The following FBXL7 variants were observed in gnomAD, a reference collection of about 807,000 sequenced individuals.
The protein encoded by FBXL7 is F-box/LRR-repeat protein 7.
In FBXL7, 12 loss-of-function variants were observed where a neutral mutation model predicts 38.3. The ratio of observed to expected loss-of-function variants is 0.31; its 90% CI spans 0.20 to 0.51. The LOEUF is 0.51. Among genes scored for constraint, FBXL7 ranks in the 20% least tolerant of loss-of-function variants. The pLI, the probability that FBXL7 is intolerant of heterozygous loss-of-function variation, is 0.98. For missense variants in FBXL7, 567 were observed against 676.4 expected (o/e 0.84, Z 1.79); for synonymous variants, 297 against 300.9 (o/e 0.99, Z 0.13).
chr5:15,649,630 T>G (rs971232892), intron 2 of FBXL7, among the ~76,000 whole-genome samples: 2 of 152,164 alleles, frequency 1.3e-5, no homozygotes, highest in African/African-American at 2.4e-5. Context: ...TCATAGCTGA[T>G]GAAAGCAGCA....
chr5:15,605,560 A>G (rs926607534), intron 1 of FBXL7, among the ~76,000 whole-genome samples: 1 of 152,204 alleles, frequency 6.6e-6, no homozygotes, highest in Admixed American at 6.5e-5. Context: ...AAAGCAGATT[A>G]GATGTTACTA....
At chr5:15,779,694 G>C (rs1736943944) in intron 2 of FBXL7, among the ~76,000 whole-genome samples, 1 of 152,066 alleles carries the variant, frequency 6.6e-6, no homozygotes, top group Admixed American at 6.6e-5. Flanking sequence ...AAATAATTTT[G>C]AGCATATTTT....
At chr5:15,685,146 C>A (rs1427918958) in intron 2 of FBXL7, among the ~76,000 whole-genome samples, 1 of 152,032 alleles carries the variant, frequency 6.6e-6, no homozygotes, top group Non-Finnish European at 1.5e-5. Context: ...ACAGAATTGC[C>A]TTTTTCTTGA....
At chr5:15,679,449 G>A (rs779629662) in intron 2 of FBXL7, among the ~76,000 whole-genome samples, 2 of 151,466 alleles carry the variant, frequency 1.3e-5, no homozygotes, top group African/African-American at 2.4e-5. Context: ...TTCTCAGTTT[G>A]TTTATTGACT....
intron 2 of FBXL7, among the ~76,000 whole-genome samples, chr5:15,848,569 A>G (rs1172883267): frequency 1.3e-5 from 2 of 152,104 alleles, no homozygotes; most frequent in East Asian, 3.9e-4. Flanking sequence ...TTTAGTAGAG[A>G]TGGGGTTTCA....
chr5:15,816,674 T>A (rs1738023768), intron 2 of FBXL7, among the ~76,000 whole-genome samples: 1 of 152,176 alleles, frequency 6.6e-6, no homozygotes, highest in Non-Finnish European at 1.5e-5. Context: ...AAATAAATAA[T>A]TAAAATATCT....
chr5:15,508,503 A>G (rs987603110), intron 1 of FBXL7, among the ~76,000 whole-genome samples: 3 of 152,224 alleles, frequency 2.0e-5, no homozygotes, highest in African/African-American at 7.2e-5. Flanking sequence ...TAGCTGGGCT[A>G]CCTAAGGAAA....
intron 2 of FBXL7, among the ~76,000 whole-genome samples, chr5:15,670,994 C>T (rs1461860658): frequency 1.3e-5 from 2 of 152,048 alleles, no homozygotes; most frequent in African/African-American, 2.4e-5. Flanking sequence ...TTTGCCTTCT[C>T]CTTTAATTAT....
intron 1 of FBXL7, chr5:15,501,349 G>A (rs1440286108): frequency 1.1e-6 from 1 of 890,748 alleles, no homozygotes; most frequent in African/African-American, 1.8e-5. Flanking sequence ...TTGGAAGTTA[G>A]GGAAACTTTA....
chr5:15,848,522 C>G (rs985402067), intron 2 of FBXL7, among the ~76,000 whole-genome samples: 1 of 152,080 alleles, frequency 6.6e-6, no homozygotes. Context: ...GCTGGGATTA[C>G]CAGCACCTGC....
intron 2 of FBXL7, among the ~76,000 whole-genome samples, chr5:15,818,971 G>A (rs1561138760): frequency 6.6e-6 from 1 of 152,062 alleles, no homozygotes; most frequent in East Asian, 1.9e-4. Flanking sequence ...ATCCTCTAGT[G>A]TTGTTTATCG....
intron 2 of FBXL7, among the ~76,000 whole-genome samples, chr5:15,728,257 G>C (rs1357321867): frequency 6.6e-6 from 1 of 151,876 alleles, no homozygotes; most frequent in African/African-American, 2.4e-5. Flanking sequence ...CTCTGAATGG[G>C]CCATACTTTC....
At chr5:15,532,979 C>T (rs762038784) in intron 1 of FBXL7, among the ~76,000 whole-genome samples, 1 of 152,140 alleles carries the variant, frequency 6.6e-6, no homozygotes, top group Non-Finnish European at 1.5e-5. Flanking sequence ...GAGTTGCCAG[C>T]TACTGAGAGA....
In FBXL7 at chr5:15,757,982, C is replaced by T. The variant is rs541080260; in HGVS notation, c.127+141910C>T. On this transcript the variant is annotated intron_variant, in intron 2 of 3. Transcript: ENST00000504595. ...TTCCTCTGTTCTCCTGTTACATTCT[C>T]TTTGTCTTGGCACGCGTTCACGGTG... is the stretch of plus-strand genomic sequence containing the variant. Among the ~76,000 whole-genome samples the T allele has an allele frequency of 1.7e-4, 26 of 152,150 alleles. 1 individual carries two copies. In the South Asian group the frequency reaches 4.8e-3, roughly 28 times the overall value.
intron 1 of FBXL7, among the ~76,000 whole-genome samples, chr5:15,537,039 C>G (rs984077122): frequency 6.6e-6 from 1 of 152,146 alleles, no homozygotes; most frequent in Admixed American, 6.5e-5. Context: ...CTCTTTGTCT[C>G]CCTCCTGCTG....
At chr5:15,550,243 G>T (rs186592516) in intron 1 of FBXL7, among the ~76,000 whole-genome samples, 1 of 152,294 alleles carries the variant, frequency 6.6e-6, no homozygotes, top group Admixed American at 6.5e-5. Flanking sequence ...CTTGAAGGAG[G>T]CTTGGAAAAC....
chr5:15,906,173 T>A (rs537063838), intron 2 of FBXL7, among the ~76,000 whole-genome samples: 5 of 147,536 alleles, frequency 3.4e-5, no homozygotes, highest in African/African-American at 1.3e-4. Flanking sequence ...AACCCAGGCA[T>A]TTTTTTTTAA....
intron 2 of FBXL7, among the ~76,000 whole-genome samples, chr5:15,723,065 T>G (rs1744245892): frequency 6.6e-6 from 1 of 152,176 alleles, no homozygotes; most frequent in South Asian, 2.1e-4. Context: ...TTATAAATAT[T>G]TTATAAAATA....
intron 1 of FBXL7, among the ~76,000 whole-genome samples, chr5:15,566,266 A>C (rs1738568529): frequency 6.6e-6 from 1 of 152,146 alleles, no homozygotes. Flanking sequence ...ACTGAAATTG[A>C]GTGGGCTTTC....
Sources: allele counts gnomAD v4.1 joint callset (sites outside exome capture counted in the v4.1 genomes callset), GRCh38; gene constraint gnomAD v4.1.1; transcripts MANE v1.5; gene names NCBI Gene and HGNC (gene_info 2026-07-23, HGNC 2026-07-21).